KIAA1217: variants seen among roughly 807,000 people sequenced by gnomAD.
KIAA1217 encodes the protein KIAA1217.
A neutral mutation model predicts 163.9 loss-of-function variants in KIAA1217; 88 were observed. The observed-to-expected ratio is 0.54, with a 90% CI of 0.45 to 0.64. The LOEUF (loss-of-function observed/expected upper bound fraction) is 0.64. Ranked by LOEUF, KIAA1217 falls within the 30% of genes least tolerant of loss-of-function variation. The pLI, the probability that KIAA1217 is intolerant of heterozygous loss-of-function variation, is 0.00. For synonymous variants in KIAA1217, 903 were observed against 923.1 expected (o/e 0.98, Z 0.39); for missense variants, 2,372 against 2,475.0 (o/e 0.96, Z 0.88).
intron 8 of KIAA1217, 37 bp downstream of exon 8, chr10:24,495,233 G>C (rs370391268): frequency 6.4e-7 from 1 of 1,571,578 alleles, no homozygotes. Context: ...GAGGCCTGTG[G>C]GCTGCCTGGG....
intron 1 of KIAA1217, among the ~76,000 whole-genome samples, chr10:23,768,439 C>A (rs1834640115): frequency 6.6e-6 from 1 of 152,196 alleles, no homozygotes; most frequent in South Asian, 2.1e-4. Flanking sequence ...CATTATTGTG[C>A]CCCTGGCCCC....
chr10:24,289,663 C>G (rs1045468372), intron 2 of KIAA1217, among the ~76,000 whole-genome samples: 1 of 152,082 alleles, frequency 6.6e-6, no homozygotes, highest in South Asian at 2.1e-4. Context: ...AGAGAGTTTC[C>G]GTGTGGGAAG....
chr10:24,471,234 A>C (rs966673311), intron 5 of KIAA1217, among the ~76,000 whole-genome samples: 1 of 151,800 alleles, frequency 6.6e-6, no homozygotes, highest in African/African-American at 2.4e-5. Context: ...TCAAGCCCCC[A>C]CCTCTTTCCT....
intron 1 of KIAA1217, among the ~76,000 whole-genome samples, chr10:23,839,184 C>T (rs866411038): frequency 3.9e-5 from 6 of 152,006 alleles, no homozygotes; most frequent in African/African-American, 1.4e-4. Context: ...TCTTCTCTTC[C>T]TGTGTCTCAG....
At chr10:24,280,551 C>T (rs1040541269) in intron 2 of KIAA1217, among the ~76,000 whole-genome samples, 2 of 152,264 alleles carry the variant, frequency 1.3e-5, no homozygotes, top group South Asian at 4.1e-4. Context: ...GTGACTCATG[C>T]CTGTAATCCC....
intron 2 of KIAA1217, among the ~76,000 whole-genome samples, chr10:24,080,902 C>G (rs2061518184): frequency 1.3e-5 from 2 of 149,980 alleles, no homozygotes; most frequent in African/African-American, 5.1e-5. Flanking sequence ...GCCAGAATTA[C>G]TGAGATTATT....
In KIAA1217 at chr10:24,436,614, C is replaced by T. The variant is rs368656149; in HGVS notation, c.753-1772C>T. ...TCTACGGAAAATACAAAAAATTAGC[C>T]GGGCGTGGTGGCGGGCACCTGTAGT... On this transcript the variant is annotated intron_variant, in intron 4 of 20. Coordinates refer to ENST00000376454, the MANE Select transcript of KIAA1217 (RefSeq NM_019590.5). Among the ~76,000 whole-genome samples the T allele has an allele frequency of 3.2e-3, 480 of 151,810 alleles. 1 individual carries two copies. The highest frequency in any genetic ancestry group is 5.5e-3 in the Admixed American group (84 of 15,264).
At chr10:24,208,956 C>T (rs1046758312), upstream of KIAA1217, 6 of 432,972 alleles carry the variant, frequency 1.4e-5, no homozygotes, top group Admixed American at 1.6e-4. Flanking sequence ...GACGGACGGA[C>T]GGACAGACCT....
chr10:23,949,141 G>A (rs1475404644), intron 1 of KIAA1217, among the ~76,000 whole-genome samples: 2 of 152,170 alleles, frequency 1.3e-5, no homozygotes, highest in Non-Finnish European at 2.9e-5. Flanking sequence ...TGATTCATAT[G>A]ATCCTCCCAT....
At chr10:24,136,342 G>T (rs2063831524) in intron 2 of KIAA1217, among the ~76,000 whole-genome samples, 1 of 152,124 alleles carries the variant, frequency 6.6e-6, no homozygotes, top group Non-Finnish European at 1.5e-5. Flanking sequence ...AAAGAGGAAG[G>T]GGAGGGGAGT....
At chr10:24,513,107 A>G in intron 9 of KIAA1217, 152 bp from the exon 10 acceptor site, 4 of 714,772 alleles carry the variant, frequency 5.6e-6, no homozygotes, top group Non-Finnish European at 9.2e-6. Context: ...CACATTATGT[A>G]CAGTCTTTGC....
intron 1 of KIAA1217, among the ~76,000 whole-genome samples, chr10:24,002,380 C>G (rs1487583538): frequency 6.6e-6 from 1 of 152,130 alleles, no homozygotes; most frequent in Non-Finnish European, 1.5e-5. Flanking sequence ...ACACTTTACT[C>G]AGATTGCCCC....
intron 1 of KIAA1217, among the ~76,000 whole-genome samples, chr10:23,969,263 C>T (rs1027579635): frequency 3.9e-5 from 6 of 152,080 alleles, no homozygotes; most frequent in East Asian, 1.9e-4. Flanking sequence ...CTTAAACTCC[C>T]GACCTTTGGT....
intron 1 of KIAA1217, among the ~76,000 whole-genome samples, chr10:23,923,526 T>C (rs1462019730): frequency 6.6e-6 from 1 of 152,056 alleles, no homozygotes. Flanking sequence ...CACAGGCATC[T>C]TTGTAAGAGG....
chr10:24,342,719 C>T (rs1042256903), intron 2 of KIAA1217, among the ~76,000 whole-genome samples: 4 of 142,954 alleles, frequency 2.8e-5, no homozygotes, highest in South Asian at 2.2e-4. Flanking sequence ...AGTACAGTGG[C>T]GCAATCTCGG....
intron 1 of KIAA1217, among the ~76,000 whole-genome samples, chr10:23,858,334 G>A (rs1195744783): frequency 6.6e-6 from 1 of 151,974 alleles, no homozygotes; most frequent in East Asian, 1.9e-4. Context: ...TAATTTTAGT[G>A]TTCACTGATT....
At chr10:24,084,002 A>T (rs1185620323) in intron 2 of KIAA1217, among the ~76,000 whole-genome samples, 2 of 152,198 alleles carry the variant, frequency 1.3e-5, no homozygotes, top group African/African-American at 4.8e-5. Flanking sequence ...AGAAAATATT[A>T]CAGAGAGTTG....
At chr10:24,328,860 T>C (rs2045287995) in intron 2 of KIAA1217, among the ~76,000 whole-genome samples, 1 of 152,030 alleles carries the variant, frequency 6.6e-6, no homozygotes. Context: ...ACACATGATA[T>C]GGAATCACTG....
In KIAA1217 at chr10:24,264,601, G is replaced by A. The variant is rs374101740; in HGVS notation, c.354+44692G>A. ...ACGTGTTTCCTTCTATTCCTTCAAA[G>A]ATTTGTTTTAGAGGATAGCTGGGTA... On this transcript the variant is annotated intron_variant, in intron 2 of 20. Transcript: ENST00000376454. 2.6e-5 allele frequency among the ~76,000 whole-genome samples: 4 copies of A among 152,294 alleles called. No individual in the cohort carries two copies. The East Asian group carries it at 5.8e-4, about 22-fold the overall frequency.
Sources: allele counts gnomAD v4.1 joint callset (sites outside exome capture counted in the v4.1 genomes callset), GRCh38; gene constraint gnomAD v4.1.1; transcripts MANE v1.5; gene names NCBI Gene and HGNC (gene_info 2026-07-23, HGNC 2026-07-21).